Variants in CYRIB observed in about 807,000 individuals in gnomAD.
CYRIB encodes the protein CYFIP related Rac1 interactor B.
CYRIB carries 8 observed loss-of-function variants against 44.2 expected under a neutral mutation model. That is an observed-to-expected ratio of 0.18 (90% CI 0.11 to 0.33). The LOEUF (loss-of-function observed/expected upper bound fraction) is 0.33. Among genes scored for constraint, CYRIB ranks in the 10% least tolerant of loss-of-function variants. The pLI is 1.00. For synonymous variants in CYRIB, 131 were observed against 127.2 expected (o/e 1.03, Z -0.20); for missense variants, 185 against 382.8 (o/e 0.48, Z 4.31).
chr8:129,960,949 CAA>C (rs35845303), intron 2 of CYRIB, among the ~76,000 whole-genome samples: 13 of 102,826 alleles, frequency 1.3e-4, no homozygotes, highest in Admixed American at 2.1e-4. Flanking sequence ...GACTCAGTCT[CAA>C]AAAAAAAAAA....
chr8:129,941,709 CAGG>C (rs1435520645), upstream of CYRIB, among the ~76,000 whole-genome samples: 1 of 152,150 alleles, frequency 6.6e-6, no homozygotes, highest in African/African-American at 2.4e-5. Context: ...TCAATGTGAA[CAGG>C]AGGAGGAGTT....
chr8:129,989,807 A>T (rs1382996528), intron 1 of CYRIB, among the ~76,000 whole-genome samples: 4 of 43,942 alleles, frequency 9.1e-5, no homozygotes, highest in African/African-American at 1.9e-4. Flanking sequence ...CCCCCACCCC[A>T]CGACAGGCCC....
intron 2 of CYRIB, among the ~76,000 whole-genome samples, chr8:129,969,876 G>A (rs182351213): frequency 6.6e-6 from 1 of 152,330 alleles, no homozygotes; most frequent in East Asian, 1.9e-4. Flanking sequence ...CAAGAGAGAC[G>A]CCCATTGGGT....
intron 2 of CYRIB, among the ~76,000 whole-genome samples, chr8:129,883,112 CAAAAAAAAA>C (rs34764499): frequency 2.4e-4 from 10 of 41,256 alleles, no homozygotes; most frequent in Admixed American, 7.7e-4. Context: ...GACTCCCTCT[CAAAAAAAAA>C]AAAAAAAAAA....
chr8:129,927,224 G>A (rs931829755), intron 1 of CYRIB, among the ~76,000 whole-genome samples: 9 of 152,058 alleles, frequency 5.9e-5, no homozygotes, highest in Admixed American at 3.3e-4. Flanking sequence ...CCCAGGAGGC[G>A]AAGGTTGCAA....
intron 1 of CYRIB, among the ~76,000 whole-genome samples, chr8:129,928,388 C>T (rs2089293660): frequency 6.7e-6 from 1 of 149,574 alleles, no homozygotes; most frequent in Admixed American, 6.6e-5. Context: ...AATATTTGCA[C>T]ATAATGTATC....
At chr8:129,994,300 C>T (rs1055854421) in intron 1 of CYRIB, among the ~76,000 whole-genome samples, 8 of 152,182 alleles carry the variant, frequency 5.3e-5, no homozygotes, top group African/African-American at 1.9e-4. Context: ...GACTCTCCCA[C>T]ACATCCTCAA....
intron 1 of CYRIB, among the ~76,000 whole-genome samples, chr8:129,996,171 C>T (rs1283103723): frequency 6.6e-6 from 1 of 152,160 alleles, no homozygotes; most frequent in East Asian, 1.9e-4. Flanking sequence ...AGCTAAGAAC[C>T]TAAAGAGTAA....
At chr8:130,008,431 A>C (rs2097152668) in intron 1 of CYRIB, 1 of 154,180 alleles carries the variant, frequency 6.5e-6, no homozygotes, top group Non-Finnish European at 1.5e-5. Context: ...AGAAGGGCTG[A>C]GTTTAAGTTA....
chr8:129,939,273 A>T (rs1185669297), intron 1 of CYRIB, among the ~76,000 whole-genome samples: 1 of 147,282 alleles, frequency 6.8e-6, no homozygotes, highest in Admixed American at 6.7e-5. Flanking sequence ...ACGGGAAGGG[A>T]CGAGCCAACG....
intron 1 of CYRIB, among the ~76,000 whole-genome samples, chr8:129,926,393 T>C (rs1270741647): frequency 6.6e-6 from 1 of 152,218 alleles, no homozygotes; most frequent in Non-Finnish European, 1.5e-5. Context: ...AGTGTGCTGC[T>C]CTTTCTAAAA....
chr8:129,879,613 C>G, intron 2 of CYRIB, 142 bp from the exon 5 acceptor site: 1 of 634,828 alleles, frequency 1.6e-6, no homozygotes, highest in Non-Finnish European at 2.7e-6. Context: ...TGTGCTCTGG[C>G]AGACAGCAAA....
chr8:129,915,334 CA>C (rs1368035082), intron 1 of CYRIB, among the ~76,000 whole-genome samples: 2 of 152,140 alleles, frequency 1.3e-5, no homozygotes, highest in Non-Finnish European at 2.9e-5. Flanking sequence ...ACACATCCAA[CA>C]ATAAATATAA....
chr8:129,992,092 A>G (rs1406329224), intron 1 of CYRIB, among the ~76,000 whole-genome samples: 2 of 151,806 alleles, frequency 1.3e-5, no homozygotes, highest in Non-Finnish European at 2.9e-5. Context: ...TGGCTGAGGC[A>G]TGCAGAGTGC....
chr8:129,852,214 G>T, exon 8 of CYRIB: 1 of 1,570,300 alleles, frequency 6.4e-7, no homozygotes, highest in Non-Finnish European at 8.6e-7. Context: ...CATTGGAGTT[G>T]CCTCAGCATA....
intron 4 of CYRIB, among the ~76,000 whole-genome samples, chr8:129,870,283 G>A (rs773133310): frequency 6.6e-6 from 1 of 152,194 alleles, no homozygotes; most frequent in African/African-American, 2.4e-5. Context: ...GCCAGGCATG[G>A]TGGTGAGTGC....
At chr8:129,961,429 A>G (rs2095253603) in intron 2 of CYRIB, among the ~76,000 whole-genome samples, 1 of 152,160 alleles carries the variant, frequency 6.6e-6, no homozygotes, top group African/African-American at 2.4e-5. Context: ...TCCCTTTAGG[A>G]GCAGCATCCT....
At chr8:129,900,608 C>T (rs982340332) in intron 2 of CYRIB, among the ~76,000 whole-genome samples, 1 of 152,162 alleles carries the variant, frequency 6.6e-6, no homozygotes, top group Admixed American at 6.5e-5. Flanking sequence ...CACTACTATT[C>T]GTATCTTTCC....
intron 1 of CYRIB, among the ~76,000 whole-genome samples, chr8:129,992,941 A>G (rs1442555864): frequency 6.6e-6 from 1 of 152,200 alleles, no homozygotes; most frequent in Admixed American, 6.5e-5. Flanking sequence ...GGCAAGAAGG[A>G]AGAGCAACCT....
Sources: allele counts gnomAD v4.1 joint callset (sites outside exome capture counted in the v4.1 genomes callset), GRCh38; gene constraint gnomAD v4.1.1; transcripts MANE v1.5; gene names NCBI Gene and HGNC (gene_info 2026-07-23, HGNC 2026-07-21).